RESF1: variants seen among roughly 807,000 people sequenced by gnomAD.
The protein encoded by RESF1 is gonad expressed transcript.
A neutral mutation model predicts 134.7 loss-of-function variants in RESF1; 65 were observed. That is an observed-to-expected ratio of 0.48 (90% CI 0.40 to 0.59). RESF1 has a LOEUF of 0.59. Ranked by LOEUF, RESF1 falls within the 20% of genes least tolerant of loss-of-function variation. The pLI is 0.00. For missense variants in RESF1, 2,274 were observed against 2,002.7 expected (o/e 1.14, Z -2.59); for synonymous variants, 762 against 702.2 (o/e 1.09, Z -1.35).
At position 31,991,375 on chromosome 12, in the gene RESF1, G is replaced by A. The variant is rs117621675; in HGVS notation, c.5087-1003G>A. Among the ~76,000 whole-genome samples the A allele has an allele frequency of 3.7e-4, 56 of 152,198 alleles. 1 individual carries two copies. In the East Asian group the frequency reaches 6.0e-3, roughly 16 times the overall value. On this transcript the variant is annotated intron_variant, in intron 5 of 5. Coordinates refer to ENST00000312561, the MANE Select transcript of RESF1 (RefSeq NM_018169.4). ...TTACTAATTCTGAAAGAAAGCAAACGAAAAAGTGGAAGACTGCAGCAGATC... is the reference window on the plus strand; with the variant it reads ...TTACTAATTCTGAAAGAAAGCAAACAAAAAAGTGGAAGACTGCAGCAGATC...
intron 3 of RESF1, among the ~76,000 whole-genome samples, chr12:31,976,344 C>T (rs1256349055): frequency 6.6e-6 from 1 of 152,144 alleles, no homozygotes; most frequent in Non-Finnish European, 1.5e-5. Context: ...TTAACAGTAA[C>T]ATTAAACAGT....
Position 31,985,640 on chromosome 12 carries a change from G to A in RESF1, c.4685G>A (p.Ser1562Asn), listed in dbSNP as rs1291834282. ...AAATTAGACAAATTAACCAATATAA[G>A]CAACGAAGCTCAATTCAGCCAAATG... Reference protein sequence around the residue: ...KTKLDKLTNISNEAQFSQMPP... With the variant: ...KTKLDKLTNINNEAQFSQMPP... The change falls in exon 4 of 6, where the codon AGC becomes AAC. Residue 1562 changes from serine to asparagine, a missense_variant. Transcript: ENST00000312561. 3 of 1,612,350 alleles carry A rather than the reference G, an allele frequency of 1.9e-6. No homozygotes were observed. The highest frequency in any genetic ancestry group is 1.7e-6 in the Non-Finnish European group (2 of 1,179,596).
At chr12:31,971,769 G>A (rs866599040) in intron 3 of RESF1, among the ~76,000 whole-genome samples, 9 of 152,252 alleles carry the variant, frequency 5.9e-5, no homozygotes, top group East Asian at 3.9e-4. Flanking sequence ...ACCAAGGCCC[G>A]ATTAAAGGGT....
In RESF1 at chr12:31,983,689, A is replaced by G; in HGVS notation, c.2734A>G (p.Ile912Val). The G allele has an allele frequency of 1.2e-6, 2 of 1,613,934 alleles. No individual in the cohort carries two copies. Among genetic ancestry groups the G allele is most frequent in the Non-Finnish European group, 1.7e-6 (2 of 1,179,990 alleles). ...DTSYNSQIAK[I>V]FSSLPLKMVE... ...CTCTTACAATTCCCAAATAGCAAAG[A>G]TATTCAGCTCTCTTCCCTTGAAAAT... The change falls in exon 4 of 6, where the codon ATA (isoleucine) becomes GTA (valine). Residue 912 changes from isoleucine (I) to valine (V), a missense_variant. Transcript: ENST00000312561.
At chr12:31,976,868 G>A (rs923311739) in intron 3 of RESF1, among the ~76,000 whole-genome samples, 6 of 152,100 alleles carry the variant, frequency 3.9e-5, no homozygotes, top group African/African-American at 9.7e-5. Context: ...GTGGACCCAC[G>A]CACTTCAAAG....
chr12:31,960,584 A>C (rs546654471), intron 1 of RESF1, among the ~76,000 whole-genome samples, 193 bp from the exon 2 acceptor site: 4 of 152,182 alleles, frequency 2.6e-5, no homozygotes, highest in Non-Finnish European at 5.9e-5. Context: ...ATAAATTCTA[A>C]CTTAAGTGAA....
In RESF1 at chr12:31,983,402, T is replaced by G. The variant is rs1391288670; in HGVS notation, c.2447T>G (p.Val816Gly). The change falls in exon 4 of 6, where the codon GTT becomes GGT. Residue 816 changes from valine (V) to glycine (G), a missense_variant. By Grantham distance (109) the Val-to-Gly change is moderately radical. Coordinates refer to ENST00000312561, the MANE Select transcript of RESF1 (RefSeq NM_018169.4). ...GCAAAGGCAACTGCTGCTTTGAAAG[T>G]TGATGTTAGTGGACCAGTAGCAAGT... ...ENAKATAALK[V>G]DVSGPVASTA... 6.2e-7 allele frequency: 1 copy of G among 1,614,066 alleles called. No homozygotes were observed. Among genetic ancestry groups the G allele is most frequent in the Non-Finnish European group, 8.5e-7 (1 of 1,180,012 alleles).
intron 3 of RESF1, among the ~76,000 whole-genome samples, chr12:31,970,875 A>G (rs1037593241): frequency 4.0e-5 from 6 of 150,576 alleles, no homozygotes; most frequent in Non-Finnish European, 7.5e-5. Context: ...CCCTTCTCCT[A>G]TAATTTCATA....
intron 2 of RESF1, among the ~76,000 whole-genome samples, chr12:31,961,543 A>G (rs998171807): frequency 7.9e-5 from 12 of 152,186 alleles, no homozygotes; most frequent in African/African-American, 2.7e-4. Flanking sequence ...AATGTTAGCT[A>G]TTGTCATGTT....
intron 3 of RESF1, among the ~76,000 whole-genome samples, chr12:31,976,261 T>TA (rs761498771): frequency 2.0e-5 from 3 of 152,058 alleles, no homozygotes; most frequent in East Asian, 1.9e-4. Context: ...TCTTGTGCAG[T>TA]AAAAAAAATC....
intron 3 of RESF1, among the ~76,000 whole-genome samples, chr12:31,977,280 A>C (rs1278863102): frequency 6.6e-6 from 1 of 152,092 alleles, no homozygotes; most frequent in African/African-American, 2.4e-5. Context: ...TCCCTGGTTC[A>C]AGGGATTGTC....
chr12:31,966,542 C>G (rs1304623417), intron 2 of RESF1, among the ~76,000 whole-genome samples: 1 of 152,198 alleles, frequency 6.6e-6, no homozygotes, highest in Non-Finnish European at 1.5e-5. Context: ...GCTGGCCAGT[C>G]AAGATGTGTG....
chr12:31,988,683 A>G (rs1940028671), intron 5 of RESF1, among the ~76,000 whole-genome samples: 1 of 105,406 alleles, frequency 9.5e-6, no homozygotes, highest in African/African-American at 3.5e-5. Context: ...GAAAAAGTAG[A>G]GCTTTGAGTA....
chr12:31,970,545 A>G (rs759948158), intron 3 of RESF1, among the ~76,000 whole-genome samples, 189 bp downstream of exon 3: 1 of 152,208 alleles, frequency 6.6e-6, no homozygotes, highest in Non-Finnish European at 1.5e-5. Context: ...TTAGGTATTA[A>G]TAACCTACAG....
chr12:31,978,830 C>T (rs950321749), intron 3 of RESF1, among the ~76,000 whole-genome samples: 3 of 149,666 alleles, frequency 2.0e-5, no homozygotes, highest in South Asian at 2.1e-4. Flanking sequence ...CAAAGTGCTG[C>T]GATTACAGGA....
intron 5 of RESF1, among the ~76,000 whole-genome samples, chr12:31,990,822 C>T (rs1364028040): frequency 1.3e-5 from 2 of 152,232 alleles, no homozygotes; most frequent in East Asian, 3.9e-4. Flanking sequence ...GAATTATATA[C>T]CTTAGACAAA....
intron 2 of RESF1, among the ~76,000 whole-genome samples, chr12:31,967,567 G>GT (rs1939423564): frequency 1.3e-5 from 2 of 152,042 alleles, no homozygotes; most frequent in Non-Finnish European, 1.5e-5. Flanking sequence ...CCATTGATTG[G>GT]TTTTTTGTTT....
chr12:31,988,015 A>G (rs559513852), intron 5 of RESF1, among the ~76,000 whole-genome samples: 26 of 152,324 alleles, frequency 1.7e-4, no homozygotes, highest in Non-Finnish European at 2.9e-4. Context: ...GATTACAGAC[A>G]TGAGACACCG....
intron 5 of RESF1, 70 bp downstream of exon 5, chr12:31,987,392 A>G (rs1174337760): frequency 2.3e-6 from 2 of 868,274 alleles, no homozygotes; most frequent in East Asian, 2.5e-5. Flanking sequence ...GATTATGGTT[A>G]TGATATGATT....
Sources: gnomAD v4.1 joint callset for allele counts (sites outside exome capture counted in the v4.1 genomes callset) on GRCh38, gnomAD v4.1.1 for gene constraint, MANE v1.5 for transcripts, NCBI Gene and HGNC (gene_info 2026-07-23, HGNC 2026-07-21) for gene names.